The following NUBPL variants were observed in gnomAD, a reference collection of about 807,000 sequenced individuals.
The protein encoded by NUBPL is NUBP iron-sulfur cluster assembly factor, mitochondrial.
In NUBPL, 31 loss-of-function variants were observed where a neutral mutation model predicts 45.7. The ratio of observed to expected loss-of-function variants is 0.68; its 90% CI spans 0.51 to 0.92. The LOEUF is 0.92. Among genes scored for constraint, NUBPL ranks in the 40% least tolerant of loss-of-function variants. The probability of loss-of-function intolerance (pLI) is 0.00; values close to 1 mark genes in which losing one functional copy is unlikely to be tolerated. For missense variants in NUBPL, 401 were observed against 398.7 expected (o/e 1.01, Z -0.05); for synonymous variants, 144 against 140.9 (o/e 1.02, Z -0.15).
At position 31,666,263 on chromosome 14, in the gene NUBPL, A is replaced by ATATATATATTTATTATTT; in HGVS notation, c.383-7092_383-7091insTATATATATTTATTATTT. Reference sequence around the variant, plus strand: ...TATATATATATATATATATATATATAATTTTATTTTATTTTTTTTGAGACG... The same window carrying ATATATATATTTATTATTT: ...TATATATATATATATATATATATATATATATATATTTATTATTTATTTTATTTTATTTTTTTTGAGACG... On this transcript the variant is annotated intron_variant, in intron 4 of 10. Transcript: ENST00000281081. Among the ~76,000 whole-genome samples the ATATATATATTTATTATTT allele has an allele frequency of 4.9e-3, 553 of 111,754 alleles. 20 individuals are homozygous for ATATATATATTTATTATTT. Among genetic ancestry groups the ATATATATATTTATTATTT allele is most frequent in the African/African-American group, 0.016 (532 of 32,508 alleles). The allele number at this position is 111,754 out of a possible 152,430, so 73.3% of individuals were successfully genotyped here.
rs1324079141 is a variant in NUBPL at position 31,688,646 on chromosome 14, G to GTTT, written c.513+15075_513+15077dup. ...GGAGAAAGGCTATCTGCCTGAACAG[G>GTTT]TTTTTGTTGTTGTTTTTTTTTTTTT... On this transcript the variant is annotated intron_variant, in intron 6 of 10. Coordinates refer to ENST00000281081, the MANE Select transcript of NUBPL (RefSeq NM_025152.3). 3.9e-4 allele frequency among the ~76,000 whole-genome samples: 39 copies of GTTT among 100,636 alleles called. 1 individual carries two copies. The highest frequency in any genetic ancestry group is 2.8e-3 in the African/African-American group (38 of 13,790). The allele number at this position is 100,636 out of a possible 152,430, so 66.0% of individuals were successfully genotyped here.
chr14:31,790,543 T>A (rs936926010), intron 7 of NUBPL, among the ~76,000 whole-genome samples: 3 of 152,172 alleles, frequency 2.0e-5, no homozygotes, highest in Non-Finnish European at 4.4e-5. Flanking sequence ...AAACTGAAAC[T>A]CTGGAGCTAT....
chr14:31,692,295 G>GCTC lies in NUBPL; in HGVS notation c.513+18724_513+18726dup, dbSNP rs1342487969. Among the ~76,000 whole-genome samples, 3 of 151,950 alleles carry GCTC rather than the reference G, an allele frequency of 2.0e-5. No homozygotes were observed. The East Asian group carries it at 5.8e-4, about 29-fold the overall frequency. Reference sequence around the variant, plus strand: ...AGTATTTTTTTTCCTCCTGAATTGTGCTCCTGAACATAGATATAATTAGTT... The same window carrying GCTC: ...AGTATTTTTTTTCCTCCTGAATTGTGCTCCTCCTGAACATAGATATAATTAGTT... On this transcript the variant is annotated intron_variant, in intron 6 of 10. Coordinates refer to ENST00000281081, the MANE Select transcript of NUBPL (RefSeq NM_025152.3).
At chr14:31,606,006 TC>T (rs2034585958) in intron 4 of NUBPL, among the ~76,000 whole-genome samples, 1 of 148,838 alleles carries the variant, frequency 6.7e-6, no homozygotes. Context: ...TTCTCCTTCT[TC>T]CTTTTCTCCT....
At chr14:31,811,591 A>G (rs576386986) in intron 7 of NUBPL, among the ~76,000 whole-genome samples, 3 of 152,162 alleles carry the variant, frequency 2.0e-5, no homozygotes, top group South Asian at 2.1e-4. Flanking sequence ...GAAGTTTGTT[A>G]TTACTGACTT....
chr14:31,702,355 C>A (rs1158980102), intron 6 of NUBPL, among the ~76,000 whole-genome samples: 1 of 152,140 alleles, frequency 6.6e-6, no homozygotes, highest in East Asian at 1.9e-4. Context: ...TATGGCTGAT[C>A]TCATTCTTTT....
At chr14:31,805,070 A>C (rs997006590) in intron 7 of NUBPL, among the ~76,000 whole-genome samples, 41 of 127,540 alleles carry the variant, frequency 3.2e-4, no homozygotes, top group Admixed American at 9.0e-4. Context: ...TCTATTTACA[A>C]GACAAAAAAA....
At chr14:31,854,289 G>A (rs760494175) in intron 10 of NUBPL, among the ~76,000 whole-genome samples, 1 of 152,158 alleles carries the variant, frequency 6.6e-6, no homozygotes, top group Non-Finnish European at 1.5e-5. Flanking sequence ...ATCTTGAATA[G>A]GAGAAAAGGG....
chr14:31,613,750 C>T (rs1439696745), intron 4 of NUBPL, among the ~76,000 whole-genome samples: 1 of 152,062 alleles, frequency 6.6e-6, no homozygotes, highest in African/African-American at 2.4e-5. Context: ...GCCACTGCGC[C>T]CGGCCTAATT....
intron 4 of NUBPL, among the ~76,000 whole-genome samples, chr14:31,609,448 A>G (rs1030979414): frequency 3.9e-5 from 6 of 152,228 alleles, no homozygotes; most frequent in African/African-American, 1.4e-4. Context: ...AGAGCTAAAG[A>G]AAGAGATAAA....
chr14:31,809,303 C>T (rs10130090), intron 7 of NUBPL, among the ~76,000 whole-genome samples: 151,474 of 152,302 alleles, frequency 0.99, 75,331 homozygotes, highest in Middle Eastern at 1. Context: ...GAGCCTGTTA[C>T]TCGCTATTCA....
rs116475020 is a variant in NUBPL, at chr14:31,823,132, A to C, written c.608-3497A>C. On this transcript the variant is annotated intron_variant, in intron 7 of 10. Transcript: ENST00000281081. ...ATATATTATATTAAGACTGTCATCA[A>C]AACCAGAATCTGGAGCTCTTGACTC... Among the ~76,000 whole-genome samples the C allele has an allele frequency of 3.6e-3, 553 of 152,216 alleles. 8 individuals are homozygous for C. The highest frequency in any genetic ancestry group is 0.013 in the African/African-American group (522 of 41,550).
chr14:31,680,160 A>G (rs1393353095), intron 6 of NUBPL, among the ~76,000 whole-genome samples: 2 of 152,106 alleles, frequency 1.3e-5, no homozygotes, highest in African/African-American at 4.8e-5. Flanking sequence ...TTGTGTGTAC[A>G]TTTATGTTGT....
chr14:31,760,103 A>G lies in NUBPL; in HGVS notation c.514-27677A>G, dbSNP rs143091171. Among the ~76,000 whole-genome samples, 291 of 119,740 alleles carry G rather than the reference A, an allele frequency of 2.4e-3. 3 individuals carry two copies. In the South Asian group the frequency reaches 0.025, roughly 10 times the overall value. The allele number at this position is 119,740 out of a possible 152,430, so 78.6% of individuals were successfully genotyped here. On this transcript the variant is annotated intron_variant, in intron 6 of 10. Transcript: ENST00000281081. ...AGAGTTCCTGAACTCTATTACTTCT[A>G]TTACTCTATTACTTCTGACTTTAGT...
At chr14:31,856,022 A>C (rs1026703206) in intron 10 of NUBPL, among the ~76,000 whole-genome samples, 6 of 152,228 alleles carry the variant, frequency 3.9e-5, no homozygotes, top group Non-Finnish European at 1.5e-5. Context: ...ATATAAATAT[A>C]TAACTGTAAG....
Position 31,737,223 on chromosome 14 carries a change from C to A in NUBPL, c.514-50557C>A, listed in dbSNP as rs2038184482. On this transcript the variant is annotated intron_variant, in intron 6 of 10. Coordinates refer to ENST00000281081, the MANE Select transcript of NUBPL (RefSeq NM_025152.3). Reference sequence around the variant, plus strand: ...TATTTTATTTAAGAAGTCTTTTCTACCTTATGAAAAATTCTGTTTTCTTCT... The same window carrying A: ...TATTTTATTTAAGAAGTCTTTTCTAACTTATGAAAAATTCTGTTTTCTTCT... 3.3e-5 allele frequency among the ~76,000 whole-genome samples: 5 copies of A among 152,222 alleles called. No individual in the cohort carries two copies. The South Asian group carries it at 1.0e-3, about 32-fold the overall frequency.
Position 31,787,813 on chromosome 14 carries a change from G to A in NUBPL, c.547G>A (p.Asp183Asn). 1 of 1,613,102 alleles carries A rather than the reference G, an allele frequency of 6.2e-7. No homozygotes were observed. Among genetic ancestry groups the A allele is most frequent in the Non-Finnish European group, 8.5e-7 (1 of 1,179,132 alleles). The change falls in exon 7 of 11, where the codon GAC (aspartate) becomes AAC (asparagine). Residue 183 changes from aspartate (D) to asparagine (N), a missense_variant. Transcript: ENST00000281081. ...DWGQLDYLVVDMPPGTGDVQL... is the reference protein window; with the variant it reads ...DWGQLDYLVVNMPPGTGDVQL... ...GGGTCAACTGGACTACTTAGTTGTAGACATGCCACCAGGAACTGGAGATGT... is the reference window on the plus strand; with the variant it reads ...GGGTCAACTGGACTACTTAGTTGTAAACATGCCACCAGGAACTGGAGATGT...
rs1181192464 is a variant in NUBPL at position 31,859,989 on chromosome 14, A to C, written c.*809A>C. 6.6e-6 allele frequency: 1 copy of C among 152,006 alleles called. No individual in the cohort carries two copies. Among genetic ancestry groups the C allele is most frequent in the African/African-American group, 2.4e-5 (1 of 41,400 alleles). 9.4% of individuals were successfully genotyped at this position (152,006 alleles called of 1,614,324 possible). On this transcript the variant is annotated 3_prime_UTR_variant, in exon 11 of 11. Transcript: ENST00000281081. ...TATTAGATTCATCTTTTTGTACACC[A>C]ATGTGCTTTTGTTAATTAAAAAAAG...
Position 31,627,323 on chromosome 14 carries a change from AATG to A in NUBPL, c.382+27947_382+27949del, listed in dbSNP as rs1458549372. On this transcript the variant is annotated intron_variant, in intron 4 of 10. Coordinates refer to ENST00000281081, the MANE Select transcript of NUBPL (RefSeq NM_025152.3). ...CATGTAGATGTCAAGAGTGTTGTAT[AATG>A]ATTTTTATTTGCTCAGGAAAAATTA... Among the ~76,000 whole-genome samples, 12 of 152,240 alleles carry A rather than the reference AATG, an allele frequency of 7.9e-5. No individual in the cohort carries two copies. The South Asian group carries it at 2.5e-3, about 32-fold the overall frequency.
Sources: allele counts gnomAD v4.1 joint callset (sites outside exome capture counted in the v4.1 genomes callset), GRCh38; gene constraint gnomAD v4.1.1; transcripts MANE v1.5; gene names NCBI Gene and HGNC (gene_info 2026-07-23, HGNC 2026-07-21).